Variants in CNTN3 observed in about 807,000 individuals in gnomAD.
The protein encoded by CNTN3 is contactin 3.
In CNTN3, 60 loss-of-function variants were observed where a neutral mutation model predicts 119.1. The ratio of observed to expected loss-of-function variants is 0.50; its 90% CI spans 0.41 to 0.62. CNTN3 has a LOEUF of 0.62. Among genes scored for constraint, CNTN3 ranks in the 20% least tolerant of loss-of-function variants. The pLI is 0.00. For missense variants in CNTN3, 1,101 were observed against 1,242.4 expected (o/e 0.89, Z 1.71); for synonymous variants, 450 against 438.7 (o/e 1.03, Z -0.32).
chr3:74,377,827 G>A (rs140345516), intron 5 of CNTN3, among the ~76,000 whole-genome samples: 33 of 152,282 alleles, frequency 2.2e-4, no homozygotes, highest in African/African-American at 7.9e-4. Flanking sequence ...TTAAGTATAA[G>A]ACCAGTCAAT....
intron 4 of CNTN3, among the ~76,000 whole-genome samples, chr3:74,427,549 CA>C (rs1701715746): frequency 6.6e-6 from 1 of 151,960 alleles, no homozygotes; most frequent in South Asian, 2.1e-4. Flanking sequence ...ATGTGCCACC[CA>C]AATGTAAGTC....
intron 1 of CNTN3, among the ~76,000 whole-genome samples, chr3:74,576,370 A>G (rs1350705597): frequency 3.9e-5 from 6 of 152,216 alleles, no homozygotes; most frequent in African/African-American, 1.2e-4. Context: ...AAGAATAAAA[A>G]TATTCAATGT....
At chr3:74,595,216 G>A (rs28850691) in intron 1 of CNTN3, among the ~76,000 whole-genome samples, 32,278 of 150,818 alleles carry the variant, frequency 0.21, 5,333 homozygotes, top group African/African-American at 0.45. Context: ...TGAGTAGGTT[G>A]CAAAAATTTT....
At chr3:74,594,036 CA>C (rs373221535) in intron 1 of CNTN3, among the ~76,000 whole-genome samples, 1 of 151,850 alleles carries the variant, frequency 6.6e-6, no homozygotes, top group Non-Finnish European at 1.5e-5. Context: ...TATGAAACTC[CA>C]AACAAAACAT....
chr3:74,283,194 G>A (rs1025875943), intron 20 of CNTN3, among the ~76,000 whole-genome samples: 6 of 152,090 alleles, frequency 3.9e-5, no homozygotes, highest in Non-Finnish European at 8.8e-5. Context: ...CTATGGATTT[G>A]GATGCCCATC....
chr3:74,418,798 T>C (rs1701569840), intron 5 of CNTN3, among the ~76,000 whole-genome samples: 1 of 150,732 alleles, frequency 6.6e-6, no homozygotes, highest in African/African-American at 2.5e-5. Context: ...TTTTTTATCT[T>C]TTTTTTTGGA....
At chr3:74,571,740 A>G (rs547313343) in intron 1 of CNTN3, among the ~76,000 whole-genome samples, 8 of 152,316 alleles carry the variant, frequency 5.3e-5, no homozygotes, top group Non-Finnish European at 7.3e-5. Flanking sequence ...ATTAGAAACC[A>G]TCATTTTATA....
chr3:74,389,568 G>A (rs1246623552), intron 5 of CNTN3, among the ~76,000 whole-genome samples: 4 of 152,042 alleles, frequency 2.6e-5, no homozygotes, highest in East Asian at 3.8e-4. Flanking sequence ...AGAATTGACC[G>A]TGTCATGTGT....
At chr3:74,496,538 A>G (rs927387110) in intron 3 of CNTN3, among the ~76,000 whole-genome samples, 4 of 151,968 alleles carry the variant, frequency 2.6e-5, no homozygotes, top group African/African-American at 4.8e-5. Flanking sequence ...TTTTACCCCA[A>G]TCTCACTGAA....
chr3:74,580,470 T>G (rs1338525253), intron 1 of CNTN3, among the ~76,000 whole-genome samples: 1 of 152,156 alleles, frequency 6.6e-6, no homozygotes, highest in Non-Finnish European at 1.5e-5. Flanking sequence ...GAAAAAATTT[T>G]TAAGTCCCTT....
chr3:74,361,824 C>G (rs750590419), intron 11 of CNTN3, 66 bp downstream of exon 11: 1 of 1,467,464 alleles, frequency 6.8e-7, no homozygotes, highest in East Asian at 2.3e-5. Flanking sequence ...TATTTAAAAC[C>G]TATGTTGACA....
intron 5 of CNTN3, among the ~76,000 whole-genome samples, chr3:74,389,349 T>G (rs1290228165): frequency 6.6e-6 from 1 of 152,158 alleles, no homozygotes; most frequent in Admixed American, 6.6e-5. Context: ...GAAGATTATG[T>G]CTGACTCTCA....
At chr3:74,562,285 C>T (rs972654390) in intron 1 of CNTN3, among the ~76,000 whole-genome samples, 3 of 152,172 alleles carry the variant, frequency 2.0e-5, no homozygotes, top group Non-Finnish European at 4.4e-5. Context: ...TTAGGACCTG[C>T]TTTCATTGCA....
At chr3:74,539,713 C>T (rs1703814925) in intron 1 of CNTN3, among the ~76,000 whole-genome samples, 1 of 152,110 alleles carries the variant, frequency 6.6e-6, no homozygotes, top group Non-Finnish European at 1.5e-5. Flanking sequence ...TTTGAGCTTA[C>T]TGACACATAC....
At chr3:74,508,933 T>C (rs927180376) in intron 2 of CNTN3, among the ~76,000 whole-genome samples, 1 of 152,114 alleles carries the variant, frequency 6.6e-6, no homozygotes, top group African/African-American at 2.4e-5. Context: ...AGTATAAGCA[T>C]CTTAAAAATT....
Position 74,521,993 on chromosome 3 carries a change from C to T in CNTN3, c.-80-801G>A, listed in dbSNP as rs139435408. The stretch of plus-strand genomic sequence containing the variant: ...TAAAGTTTGCTACTTTAGTAAGGAA[C>T]GGGTACAACTCTCTGATTCAGCAGC... On this transcript the variant is annotated intron_variant, in intron 1 of 22. Transcript: ENST00000263665. Among the ~76,000 whole-genome samples the T allele has an allele frequency of 4.1e-3, 630 of 151,812 alleles. 2 individuals carry two copies. The highest frequency in any genetic ancestry group is 0.013 in the African/African-American group (528 of 41,468).
chr3:74,408,380 G>A (rs531714564), intron 5 of CNTN3, among the ~76,000 whole-genome samples: 139 of 152,260 alleles, frequency 9.1e-4, no homozygotes, highest in African/African-American at 3.1e-3. Flanking sequence ...TTATCTCCCA[G>A]GAACAGTAAC....
At chr3:74,314,243 A>G (rs1350788640) in intron 13 of CNTN3, among the ~76,000 whole-genome samples, 3 of 152,250 alleles carry the variant, frequency 2.0e-5, no homozygotes, top group African/African-American at 7.2e-5. Flanking sequence ...AAGGCAAAAA[A>G]GGAACAAAGA....
chr3:74,317,992 G>C (rs1702878641), intron 13 of CNTN3, among the ~76,000 whole-genome samples: 1 of 151,990 alleles, frequency 6.6e-6, no homozygotes, highest in Non-Finnish European at 1.5e-5. Flanking sequence ...ACGTAGATTT[G>C]GTATTTTCAC....
Sources: allele counts gnomAD v4.1 joint callset (sites outside exome capture counted in the v4.1 genomes callset), GRCh38; gene constraint gnomAD v4.1.1; transcripts MANE v1.5; gene names NCBI Gene and HGNC (gene_info 2026-07-23, HGNC 2026-07-21).